The following SEMA6D variants were observed in gnomAD, a reference collection of about 807,000 sequenced individuals.
SEMA6D encodes the protein semaphorin-6D.
SEMA6D carries 35 observed loss-of-function variants against 106.6 expected under a neutral mutation model. The observed-to-expected ratio is 0.33, with a 90% CI of 0.25 to 0.44. The LOEUF (loss-of-function observed/expected upper bound fraction) is 0.44. SEMA6D is among the 20% of genes least tolerant of loss of function. The probability of loss-of-function intolerance (pLI) is 1.00; values close to 1 mark genes in which losing one functional copy is unlikely to be tolerated. For missense variants in SEMA6D, 1,185 were observed against 1,345.9 expected, an observed-to-expected ratio of 0.88 and a Z score of 1.87; for synonymous variants, 499 against 487.7, an observed-to-expected ratio of 1.02 and a Z score of -0.31.
At chr15:47,739,129 AC>A (rs1444578030) in intron 1 of SEMA6D, among the ~76,000 whole-genome samples, 1 of 152,020 alleles carries the variant, frequency 6.6e-6, no homozygotes, top group African/African-American at 2.4e-5. Context: ...TTATTCAAAC[AC>A]TCATAGCCCA....
chr15:47,473,240 C>A (rs1470947530), intron 3 of SEMA6D, among the ~76,000 whole-genome samples: 1 of 152,178 alleles, frequency 6.6e-6, no homozygotes, highest in African/African-American at 2.4e-5. Flanking sequence ...CTGGGCCCTT[C>A]CCCTCAGCCA....
At chr15:47,463,439 A>C (rs771584457) in intron 2 of SEMA6D, among the ~76,000 whole-genome samples, 3 of 152,176 alleles carry the variant, frequency 2.0e-5, no homozygotes, top group Admixed American at 2.0e-4. Flanking sequence ...ATCTTAACAC[A>C]TGCAGTACAT....
At chr15:47,494,804 C>G (rs1442652970) in intron 3 of SEMA6D, among the ~76,000 whole-genome samples, 2 of 127,988 alleles carry the variant, frequency 1.6e-5, no homozygotes, top group East Asian at 4.5e-4. Flanking sequence ...TCCAGATACA[C>G]ACACACACAC....
At chr15:47,554,868 T>C (rs1455238923) in intron 3 of SEMA6D, among the ~76,000 whole-genome samples, 1 of 152,130 alleles carries the variant, frequency 6.6e-6, no homozygotes, top group East Asian at 1.9e-4. Context: ...ATTATGGTGA[T>C]CTCAGGATGA....
At chr15:47,185,301 C>G (rs1893484996) in intron 1 of SEMA6D, among the ~76,000 whole-genome samples, 1 of 152,106 alleles carries the variant, frequency 6.6e-6, no homozygotes, top group Non-Finnish European at 1.5e-5. Flanking sequence ...CTCCTGAGTG[C>G]GAAACTTAGA....
chr15:47,503,761 G>A (rs960019757), intron 3 of SEMA6D, among the ~76,000 whole-genome samples: 4 of 151,982 alleles, frequency 2.6e-5, no homozygotes, highest in African/African-American at 4.8e-5. Context: ...CCTAGGCTGC[G>A]CCACCTCTGC....
chr15:47,451,975 C>G (rs1431863650), intron 2 of SEMA6D, among the ~76,000 whole-genome samples: 1 of 151,962 alleles, frequency 6.6e-6, no homozygotes, highest in East Asian at 1.9e-4. Flanking sequence ...GCTGTTCACT[C>G]CAGTTCCCAC....
intron 4 of SEMA6D, among the ~76,000 whole-genome samples, chr15:47,640,370 G>A (rs567217443): frequency 6.6e-6 from 1 of 152,152 alleles, no homozygotes; most frequent in Admixed American, 6.5e-5. Context: ...CAAATATATC[G>A]GTCTGTAATC....
At chr15:47,368,715 A>G (rs1228043498) in intron 1 of SEMA6D, among the ~76,000 whole-genome samples, 1 of 152,194 alleles carries the variant, frequency 6.6e-6, no homozygotes, top group Non-Finnish European at 1.5e-5. Flanking sequence ...TCCAGACCCT[A>G]CAATTTCCAT....
At chr15:47,319,205 T>C (rs913437648) in intron 1 of SEMA6D, among the ~76,000 whole-genome samples, 6 of 152,234 alleles carry the variant, frequency 3.9e-5, no homozygotes, top group African/African-American at 1.4e-4. Flanking sequence ...TGTAAGTTCT[T>C]GAATGTTGTC....
chr15:47,467,850 A>C (rs994943494), intron 2 of SEMA6D, among the ~76,000 whole-genome samples: 3 of 152,196 alleles, frequency 2.0e-5, no homozygotes, highest in Admixed American at 1.3e-4. Flanking sequence ...AAAGAAGACC[A>C]GTTTGAACTC....
chr15:47,214,978 A>G (rs754935058), intron 1 of SEMA6D, among the ~76,000 whole-genome samples: 9 of 151,748 alleles, frequency 5.9e-5, no homozygotes, highest in Non-Finnish European at 8.8e-5. Flanking sequence ...TTAAAAGCCT[A>G]TTAAGAATGA....
intron 2 of SEMA6D, among the ~76,000 whole-genome samples, chr15:47,428,767 G>GA (rs201136586): frequency 6.2e-4 from 92 of 147,586 alleles, no homozygotes; most frequent in Non-Finnish European, 5.9e-4. Flanking sequence ...CTCTGTCAAG[G>GA]AAAAAAAAAA....
chr15:47,263,428 C>T (rs1218425348), intron 1 of SEMA6D, among the ~76,000 whole-genome samples: 1 of 151,910 alleles, frequency 6.6e-6, no homozygotes, highest in African/African-American at 2.4e-5. Context: ...ATACATGAGG[C>T]CAACAATCAT....
intron 1 of SEMA6D, among the ~76,000 whole-genome samples, chr15:47,341,613 T>G (rs1314455698): frequency 6.6e-6 from 1 of 152,184 alleles, no homozygotes; most frequent in Non-Finnish European, 1.5e-5. Flanking sequence ...TTCTGAGTAT[T>G]AAAGTTGAGA....
intron 7 of SEMA6D, 79 bp from the exon 8 acceptor site, chr15:47,762,121 A>G: frequency 1.3e-6 from 2 of 1,544,950 alleles, no homozygotes; most frequent in Non-Finnish European, 1.8e-6. Flanking sequence ...AGCGCTCCAA[A>G]GGGCATAACA....
At chr15:47,600,112 A>G (rs1426844724) in intron 3 of SEMA6D, among the ~76,000 whole-genome samples, 1 of 152,068 alleles carries the variant, frequency 6.6e-6, no homozygotes, top group Non-Finnish European at 1.5e-5. Context: ...AAACATGTGC[A>G]TATTTAAAAT....
At chr15:47,534,260 G>A (rs10851453) in intron 3 of SEMA6D, among the ~76,000 whole-genome samples, 40,533 of 151,838 alleles carry the variant, frequency 0.27, 5,751 homozygotes, top group East Asian at 0.47. Flanking sequence ...GCTCGATCTC[G>A]GCTCACTGCA....
intron 1 of SEMA6D, among the ~76,000 whole-genome samples, chr15:47,342,980 T>C (rs149010376): frequency 0.016 from 2,498 of 152,334 alleles, 63 homozygotes; most frequent in African/African-American, 0.057. Flanking sequence ...CCCAAAGTGC[T>C]GGGATTACAG....
Sources: allele counts gnomAD v4.1 joint callset (sites outside exome capture counted in the v4.1 genomes callset), GRCh38; gene constraint gnomAD v4.1.1; transcripts MANE v1.5; gene names NCBI Gene and HGNC (gene_info 2026-07-23, HGNC 2026-07-21).